Variants in PRPF31 observed in about 807,000 individuals in gnomAD.
PRPF31 encodes the protein pre-mRNA processing factor 31, also known as U4/U6 small nuclear ribonucleoprotein Prp31.
A neutral mutation model predicts 60.4 loss-of-function variants in PRPF31; 12 were observed. The observed-to-expected ratio is 0.20, with a 90% CI of 0.13 to 0.32. The LOEUF (loss-of-function observed/expected upper bound fraction) is 0.32, where lower values mean the gene tolerates loss of function less well. Ranked by LOEUF, PRPF31 falls within the 10% of genes least tolerant of loss-of-function variation. The pLI is 1.00. For synonymous variants in PRPF31, 287 were observed against 287.9 expected (o/e 1.00, Z 0.03); for missense variants, 431 against 687.1 (o/e 0.63, Z 4.17).
chr19:54,126,503 C>G (rs774918813), intron 8 of PRPF31, 25 bp from the exon 9 acceptor site: 1 of 1,605,212 alleles, frequency 6.2e-7, no homozygotes, highest in South Asian at 1.1e-5. Flanking sequence ...CACACAGATT[C>G]CACCCCCGTT....
At position 54,122,660 on chromosome 19, in the gene PRPF31, C is replaced by T. The variant is rs587700279; in HGVS notation, c.420+66C>T. On this transcript the variant is annotated intron_variant, in intron 5 of 13. Coordinates refer to ENST00000321030, the MANE Select transcript of PRPF31 (RefSeq NM_015629.4). ...GGGCAGGCGGGGCTCACTCTCGGACCCCCTCCCAGAGGCCTGAGGGTCTGG... is the reference window on the plus strand; with the variant it reads ...GGGCAGGCGGGGCTCACTCTCGGACTCCCTCCCAGAGGCCTGAGGGTCTGG... The T allele has an allele frequency of 9.1e-5, 122 of 1,338,528 alleles. 1 individual carries two copies. The South Asian group carries it at 1.4e-3, about 15-fold the overall frequency. 82.9% of individuals were successfully genotyped at this position (1,338,528 alleles called of 1,614,324 possible). A position where few individuals can be genotyped will look rare whatever the true frequency, so the allele number is the denominator to read the frequency against.
chr19:54,124,324 C>T lies in PRPF31; in HGVS notation c.698-175C>T, dbSNP rs146603603. The T allele has an allele frequency of 2.7e-4, 195 of 709,414 alleles. 1 individual carries two copies. In the African/African-American group the frequency reaches 3.2e-3, roughly 12 times the overall value. 43.9% of individuals were successfully genotyped at this position (709,414 alleles called of 1,614,324 possible). A position where few individuals can be genotyped will look rare whatever the true frequency, so the allele number is the denominator to read the frequency against. On this transcript the variant is annotated intron_variant, in intron 7 of 13. Transcript: ENST00000321030. Reference sequence around the variant, plus strand: ...GCCCTCCCTCTCTGAGCCTCCTTTGCATCTGCCCCTTGCGGAATGGGCCAG... The same window carrying T: ...GCCCTCCCTCTCTGAGCCTCCTTTGTATCTGCCCCTTGCGGAATGGGCCAG...
chr19:54,126,529 A>T lies in PRPF31; in HGVS notation c.857A>T (p.Asp286Val), dbSNP rs757005258. The T allele has an allele frequency of 6.2e-7, 1 of 1,612,988 alleles. No individual in the cohort carries two copies. Among genetic ancestry groups the T allele is most frequent in the Non-Finnish European group, 8.5e-7 (1 of 1,179,630 alleles). ...HSDIVQSLPP[D>V]LRRKAARLVA... The stretch of plus-strand genomic sequence containing the variant: ...CACCCCCGTTTTCCGTTGCTCCAGG[A>T]TCTGCGGCGGAAAGCGGCCCGGCTG... Residue 286 changes from aspartate (D) to valine (V), a missense_variant and splice_region_variant, in exon 9 of 14, where the codon GAT (aspartate) becomes GTT (valine). By Grantham distance (152) the Asp-to-Val change is radical. This residue lies in a region of PRPF31 where 314 missense variants were observed against 475.3 expected (regional missense o/e 0.66). Transcript: ENST00000321030.
chr19:54,122,186 G>A, intron 4 of PRPF31: 2 of 631,014 alleles, frequency 3.2e-6, no homozygotes, highest in Non-Finnish European at 5.7e-6. Flanking sequence ...CCATCCTGTT[G>A]GTCGGCCACC....
At chr19:54,121,811 A>C in intron 3 of PRPF31, 49 bp from the exon 4 acceptor site, 1 of 1,544,876 alleles carries the variant, frequency 6.5e-7, no homozygotes, top group South Asian at 1.2e-5. Flanking sequence ...GGGACCCGAG[A>C]GGGGGTAGGG....
intron 13 of PRPF31, among the ~76,000 whole-genome samples, chr19:54,130,683 T>A (rs1385900758): frequency 6.8e-6 from 1 of 147,912 alleles, no homozygotes; most frequent in Non-Finnish European, 1.5e-5. Context: ...AGGTAGGAGG[T>A]GGGACAGGGG....
At chr19:54,119,502 T>C (rs1182031028) in intron 3 of PRPF31, 1 of 151,954 alleles carries the variant, frequency 6.6e-6, no homozygotes, top group East Asian at 1.9e-4. Flanking sequence ...CCTATTCTTT[T>C]TTTTTTTTCC....
At chr19:54,117,079 A>G (rs1017493303) in intron 1 of PRPF31, among the ~76,000 whole-genome samples, 3 of 152,104 alleles carry the variant, frequency 2.0e-5, no homozygotes, top group Non-Finnish European at 4.4e-5. Context: ...TAGGTGACAG[A>G]GCAAGACATG....
chr19:54,119,087 T>G (rs2073722955), intron 3 of PRPF31, among the ~76,000 whole-genome samples: 2 of 152,132 alleles, frequency 1.3e-5, no homozygotes, highest in South Asian at 4.1e-4. Context: ...TATAATTATT[T>G]AGGAACCACC....
At chr19:54,126,165 C>A (rs780719048) in intron 8 of PRPF31, among the ~76,000 whole-genome samples, 67 of 152,234 alleles carry the variant, frequency 4.4e-4, no homozygotes, top group Non-Finnish European at 8.2e-4. Context: ...AATGATCACA[C>A]CAGCCCGATA....
chr19:54,128,908 C>T, intron 11 of PRPF31, 149 bp from the exon 12 acceptor site: 2 of 825,260 alleles, frequency 2.4e-6, no homozygotes, highest in Non-Finnish European at 4.0e-6. Context: ...GCCCCCAGGC[C>T]TCAGCCGGGC....
intron 3 of PRPF31, among the ~76,000 whole-genome samples, chr19:54,118,984 T>C (rs997103352): frequency 3.3e-5 from 5 of 152,156 alleles, no homozygotes; most frequent in Non-Finnish European, 5.9e-5. Flanking sequence ...GGACTTTTTT[T>C]CTTAAATTTA....
chr19:54,126,645 G>A (rs890529577), intron 9 of PRPF31, 28 bp downstream of exon 9: 15 of 1,600,882 alleles, frequency 9.4e-6, no homozygotes, highest in Admixed American at 1.7e-5. Context: ...AGGGGCGGCC[G>A]GGCGTCTTTT....
chr19:54,129,872 A>G lies in PRPF31; in HGVS notation c.1374+502A>G, dbSNP rs368100069. Among the ~76,000 whole-genome samples, 36 of 152,058 alleles carry G rather than the reference A, an allele frequency of 2.4e-4. No individual in the cohort carries two copies. The East Asian group carries it at 5.1e-3, about 22-fold the overall frequency. ...AGAGCAGGGCGAGCCTGCACCACGG[A>G]GGCGAGACAGCAGCGAGCTCATCTG... On this transcript the variant is annotated intron_variant, in intron 13 of 13. Coordinates refer to ENST00000321030, the MANE Select transcript of PRPF31 (RefSeq NM_015629.4).
At chr19:54,125,059 CA>C in intron 8 of PRPF31, 1 of 338,140 alleles carries the variant, frequency 3.0e-6, no homozygotes, top group Non-Finnish European at 5.7e-6. Flanking sequence ...TCACAGAATC[CA>C]CTGAGGGCTG....
Position 54,124,517 on chromosome 19 carries a change from C to G in PRPF31, c.716C>G (p.Thr239Ser), listed in dbSNP as rs2073872372. 1.9e-6 allele frequency: 3 copies of G among 1,608,904 alleles called. No individual in the cohort carries two copies. The highest frequency in any genetic ancestry group is 4.5e-5 in the East Asian group (2 of 44,856). The change falls in exon 8 of 14, where the codon ACC (threonine) becomes AGC (serine). Residue 239 changes from threonine (T) to serine (S), a missense_variant. Thr to Ser is a moderately conservative substitution (Grantham distance 58). Around this residue, in one of 4 missense-constraint regions of PRPF31, gnomAD observed 314 missense variants for 475.3 expected, o/e 0.66. Transcript: ENST00000321030. ...ACCGCAGGTGTGGCCGGCGGCCTGA[C>G]CAACCTCTCCAAGATGCCCGCCTGC... Reference protein sequence around the residue: ...AKIMGVAGGLTNLSKMPACNI... With the variant: ...AKIMGVAGGLSNLSKMPACNI...
At chr19:54,126,343 G>A (rs1430331791) in intron 8 of PRPF31, among the ~76,000 whole-genome samples, 185 bp from the exon 9 acceptor site, 1 of 152,154 alleles carries the variant, frequency 6.6e-6, no homozygotes, top group Admixed American at 6.6e-5. Flanking sequence ...ATGGCTCTGT[G>A]CCCTGCCCTC....
At position 54,131,383 on chromosome 19, in the gene PRPF31, C is replaced by G. The variant is rs981971618; in HGVS notation, c.1451C>G (p.Ala484Gly). 1.2e-6 allele frequency: 2 copies of G among 1,614,098 alleles called. No homozygotes were observed. The highest frequency in any genetic ancestry group is 1.7e-6 in the Non-Finnish European group (2 of 1,180,016). ...EANQKYFSSM[A>G]EFLKVKGEKS... ...AACCAGAAGTATTTCTCCAGCATGG[C>G]TGAGTTCCTCAAGGTCAAGGGCGAG... The change falls in exon 14 of 14, where the codon GCT (alanine) becomes GGT (glycine). Residue 484 changes from alanine to glycine, a missense_variant. Coordinates refer to ENST00000321030, the MANE Select transcript of PRPF31 (RefSeq NM_015629.4).
intron 5 of PRPF31, chr19:54,122,949 G>T (rs74866889): frequency 1.7e-5 from 8 of 484,078 alleles, no homozygotes; most frequent in African/African-American, 1.2e-4. Context: ...GGGAACAAGT[G>T]GGGAGGAAGT....
Sources: allele counts gnomAD v4.1 joint callset (sites outside exome capture counted in the v4.1 genomes callset), GRCh38; gene constraint gnomAD v4.1.1; regional missense constraint gnomAD v4.1.1; transcripts MANE v1.5; gene names NCBI Gene and HGNC (gene_info 2026-07-23, HGNC 2026-07-21).